GRIP1: variants seen among roughly 807,000 people sequenced by gnomAD.
GRIP1 encodes the protein glutamate receptor-interacting protein 1.
GRIP1 carries 45 observed loss-of-function variants against 129.9 expected under a neutral mutation model. The ratio of observed to expected loss-of-function variants is 0.35; its 90% CI spans 0.27 to 0.44. The LOEUF (loss-of-function observed/expected upper bound fraction) is 0.44, where lower values mean the gene tolerates loss of function less well. Ranked by LOEUF, GRIP1 falls within the 20% of genes least tolerant of loss-of-function variation. The probability of loss-of-function intolerance (pLI) is 1.00; values close to 1 mark genes in which losing one functional copy is unlikely to be tolerated. For missense variants in GRIP1, 1,196 were observed against 1,396.8 expected (o/e 0.86, Z 2.29); for synonymous variants, 530 against 520.8 (o/e 1.02, Z -0.24).
intron 1 of GRIP1, among the ~76,000 whole-genome samples, chr12:67,043,302 G>C (rs1455486080): frequency 2.0e-5 from 3 of 152,126 alleles, no homozygotes; most frequent in Non-Finnish European, 4.4e-5. Flanking sequence ...CTAAACTCTA[G>C]AAAAAGTCCT....
At chr12:66,815,850 T>TC (rs1555241792) in intron 1 of GRIP1, among the ~76,000 whole-genome samples, 8,664 of 64,046 alleles carry the variant, frequency 0.14, 375 homozygotes, top group Non-Finnish European at 0.2. Context: ...CTTTCTTTCT[T>TC]TCTTTCTCTC....
At chr12:67,015,582 C>G (rs893228530) in intron 1 of GRIP1, among the ~76,000 whole-genome samples, 12 of 152,118 alleles carry the variant, frequency 7.9e-5, no homozygotes, top group African/African-American at 2.9e-4. Context: ...TGTTGAGCAT[C>G]TGAAATGGAG....
At chr12:66,481,006 G>T (rs2059787196) in intron 7 of GRIP1, among the ~76,000 whole-genome samples, 1 of 152,096 alleles carries the variant, frequency 6.6e-6, no homozygotes, top group South Asian at 2.1e-4. Flanking sequence ...CATAGGCAAA[G>T]ACTTCATGAC....
At chr12:67,015,822 T>C (rs1457226410) in intron 1 of GRIP1, among the ~76,000 whole-genome samples, 2 of 152,152 alleles carry the variant, frequency 1.3e-5, no homozygotes, top group South Asian at 2.1e-4. Flanking sequence ...AACTGAGCAG[T>C]TGGCATGAAA....
chr12:66,871,191 G>A (rs889757510), intron 1 of GRIP1, among the ~76,000 whole-genome samples: 1 of 152,062 alleles, frequency 6.6e-6, no homozygotes, highest in African/African-American at 2.4e-5. Flanking sequence ...GGTCTGGAAT[G>A]CAGACTGTTG....
chr12:67,067,387 A>C (rs1181509498), intron 1 of GRIP1, among the ~76,000 whole-genome samples: 1 of 152,130 alleles, frequency 6.6e-6, no homozygotes, highest in Admixed American at 6.5e-5. Context: ...TGCCAAGTAC[A>C]TTGTGACATT....
chr12:66,517,798 A>G (rs2060890252), intron 6 of GRIP1, 103 bp downstream of exon 6: 5 of 728,196 alleles, frequency 6.9e-6, no homozygotes, highest in Non-Finnish European at 1.3e-5. Flanking sequence ...TTTGCTTAAT[A>G]GCTACATTTT....
chr12:66,634,350 A>G (rs539382061), intron 1 of GRIP1, among the ~76,000 whole-genome samples: 1 of 152,296 alleles, frequency 6.6e-6, no homozygotes, highest in African/African-American at 2.4e-5. Context: ...AATCTATAGT[A>G]TTACTTGGCA....
chr12:66,704,710 C>T (rs555619795), intron 1 of GRIP1, among the ~76,000 whole-genome samples: 1 of 152,032 alleles, frequency 6.6e-6, no homozygotes, highest in Non-Finnish European at 1.5e-5. Context: ...TTTCTCTCAC[C>T]CATTAATTAC....
At chr12:66,604,586 G>A (rs547525034) in intron 1 of GRIP1, among the ~76,000 whole-genome samples, 6 of 152,154 alleles carry the variant, frequency 3.9e-5, no homozygotes, top group Non-Finnish European at 7.3e-5. Context: ...CTTTGTGAGA[G>A]GGCTATGTGC....
intron 1 of GRIP1, among the ~76,000 whole-genome samples, chr12:66,979,222 TAA>T (rs35306665): frequency 2.9e-3 from 122 of 41,384 alleles, no homozygotes; most frequent in South Asian, 6.3e-3. Flanking sequence ...CTTCTCTTCT[TAA>T]AAAAAAAAAA....
intron 19 of GRIP1, among the ~76,000 whole-genome samples, chr12:66,388,019 A>G (rs1046618051): frequency 4.6e-5 from 7 of 152,182 alleles, no homozygotes; most frequent in Admixed American, 4.6e-4. Flanking sequence ...TCATAAAAGG[A>G]ATAAAATTTA....
At position 66,372,140 on chromosome 12, in the gene GRIP1, T is replaced by G. The variant is rs2055540320; in HGVS notation, c.2779-213A>C. On this transcript the variant is annotated intron_variant, in intron 22 of 24. Coordinates refer to ENST00000359742, the MANE Select transcript of GRIP1 (RefSeq NM_001366722.1). The stretch of plus-strand genomic sequence containing the variant: ...TATAATGCACATCTCAAATCCAATT[T>G]AAGTACTTAAGCCATTGAGTTTATT... The G allele has an allele frequency of 7.1e-5, 43 of 607,896 alleles. 1 individual carries two copies. In the South Asian group the frequency reaches 8.3e-4, roughly 12 times the overall value. 37.7% of individuals were successfully genotyped at this position (607,896 alleles called of 1,614,324 possible).
chr12:66,425,692 A>T (rs1398367751), intron 14 of GRIP1, among the ~76,000 whole-genome samples: 1 of 152,292 alleles, frequency 6.6e-6, no homozygotes, highest in South Asian at 2.1e-4. Context: ...TGAAGCTGGA[A>T]ACCATCATTC....
At chr12:66,747,838 A>G (rs746393623) in intron 1 of GRIP1, among the ~76,000 whole-genome samples, 3 of 152,222 alleles carry the variant, frequency 2.0e-5, no homozygotes, top group Non-Finnish European at 4.4e-5. Context: ...TTAACTCCAA[A>G]GGGAATAAAA....
intron 1 of GRIP1, among the ~76,000 whole-genome samples, chr12:66,742,442 A>C (rs905685120): frequency 1.3e-5 from 2 of 152,180 alleles, no homozygotes; most frequent in African/African-American, 4.8e-5. Context: ...GACTACCAGC[A>C]CCTCAAGAAG....
At chr12:66,517,875 T>C (rs1282172794) in intron 6 of GRIP1, 26 bp downstream of exon 6, 7 of 1,186,174 alleles carry the variant, frequency 5.9e-6, no homozygotes, top group Admixed American at 3.4e-5. Context: ...CTATTTTGGA[T>C]AGTGACACAG....
intron 1 of GRIP1, among the ~76,000 whole-genome samples, chr12:66,673,660 G>A (rs577949400): frequency 3.0e-4 from 46 of 152,194 alleles, no homozygotes; most frequent in African/African-American, 8.2e-4. Context: ...AGAGTAAAGC[G>A]GTCCAAGCCA....
intron 1 of GRIP1, among the ~76,000 whole-genome samples, chr12:66,601,315 G>A (rs1485549753): frequency 6.6e-6 from 1 of 152,168 alleles, no homozygotes; most frequent in African/African-American, 2.4e-5. Context: ...ATCACAAACT[G>A]CCTATGCTGG....
Sources: allele counts gnomAD v4.1 joint callset (sites outside exome capture counted in the v4.1 genomes callset), GRCh38; gene constraint gnomAD v4.1.1; transcripts MANE v1.5; gene names NCBI Gene and HGNC (gene_info 2026-07-23, HGNC 2026-07-21).